Variants in PCDHA2 observed in about 807,000 individuals in gnomAD.
The protein encoded by PCDHA2 is protocadherin alpha 2.
In PCDHA2, 58 loss-of-function variants were observed where a neutral mutation model predicts 66.0. The ratio of observed to expected loss-of-function variants is 0.88; its 90% CI spans 0.71 to 1.09. The LOEUF (loss-of-function observed/expected upper bound fraction) is 1.09, where lower values mean the gene tolerates loss of function less well. Among genes scored for constraint, PCDHA2 ranks in the 50% least tolerant of loss-of-function variants. The probability of loss-of-function intolerance (pLI) is 0.00; values close to 1 mark genes in which losing one functional copy is unlikely to be tolerated. For synonymous variants in PCDHA2, 634 were observed against 554.0 expected (o/e 1.14, Z -2.03); for missense variants, 1,267 against 1,242.3 (o/e 1.02, Z -0.30).
At chr5:140,882,644 A>T in intron 1 of PCDHA2, 1 of 1,614,256 alleles carries the variant, frequency 6.2e-7, no homozygotes. Flanking sequence ...GGTGAGGGAC[A>T]TTAACGACAA....
chr5:140,862,359 C>A lies in PCDHA2; in HGVS notation c.2388+65007C>A, dbSNP rs1364549064. ...CCTAACTTCAGTGCCAAGGGACAGA[C>A]GACCCGCACCCTGACTCCTCACGTC... On this transcript the variant is annotated intron_variant, in intron 1 of 3. Coordinates refer to ENST00000526136, the MANE Select transcript of PCDHA2 (RefSeq NM_018905.3). 17 of 337,738 alleles carry A rather than the reference C, an allele frequency of 5.0e-5. No individual in the cohort carries two copies. In the East Asian group the frequency reaches 1.2e-3, roughly 24 times the overall value. The allele number at this position is 337,738 out of a possible 1,614,324, so 20.9% of individuals were successfully genotyped here.
At chr5:140,886,253 T>G (rs2060912572) in intron 1 of PCDHA2, among the ~76,000 whole-genome samples, 1 of 152,034 alleles carries the variant, frequency 6.6e-6, no homozygotes, top group African/African-American at 2.4e-5. Context: ...TAAAAGTATC[T>G]CTATTTATAG....
chr5:140,908,626 T>A (rs1162805222), intron 1 of PCDHA2, among the ~76,000 whole-genome samples: 3 of 152,020 alleles, frequency 2.0e-5, no homozygotes, highest in African/African-American at 4.8e-5. Context: ...ATCCTTGAGG[T>A]CTCCACTGTG....
intron 1 of PCDHA2, among the ~76,000 whole-genome samples, chr5:140,879,121 G>C (rs148259888): frequency 6.6e-6 from 1 of 152,330 alleles, no homozygotes; most frequent in Non-Finnish European, 1.5e-5. Context: ...TGAAGGATTA[G>C]AGCAGGGGAG....
At chr5:140,982,807 G>A (rs2097006971) in intron 3 of PCDHA2, among the ~76,000 whole-genome samples, 2 of 152,048 alleles carry the variant, frequency 1.3e-5, no homozygotes, top group South Asian at 4.1e-4. Flanking sequence ...GTGTGTGTGT[G>A]TGTATGAAGT....
intron 1 of PCDHA2, chr5:140,865,312 G>A (rs949727799): frequency 1.1e-4 from 17 of 152,148 alleles, no homozygotes; most frequent in African/African-American, 4.1e-4. Context: ...TTACAAATGA[G>A]ATGGCCTTTA....
At chr5:140,842,323 C>T (rs2150334082) in intron 1 of PCDHA2, 26 of 1,607,134 alleles carry the variant, frequency 1.6e-5, no homozygotes, top group Non-Finnish European at 2.2e-5. Flanking sequence ...CGGGTCATTG[C>T]ACCGTTTTAG....
intron 1 of PCDHA2, among the ~76,000 whole-genome samples, chr5:140,962,132 C>A (rs1018234897): frequency 3.3e-5 from 5 of 152,104 alleles, no homozygotes; most frequent in Admixed American, 3.3e-4. Flanking sequence ...GCCTCGGCCT[C>A]CCAAAGTGCT....
At chr5:140,836,640 C>T (rs1554136168) in intron 1 of PCDHA2, 21 of 1,613,350 alleles carry the variant, frequency 1.3e-5, no homozygotes, top group Non-Finnish European at 1.6e-5. Context: ...ATTCTCCCAG[C>T]AGAGGCGGCA....
intron 1 of PCDHA2, chr5:140,807,290 G>T (rs1763880009): frequency 1.2e-6 from 2 of 1,614,210 alleles, no homozygotes. Flanking sequence ...CCACTACTCG[G>T]TCTCCGAGGA....
chr5:140,983,221 A>G (rs1178098444), intron 3 of PCDHA2, among the ~76,000 whole-genome samples: 1 of 152,196 alleles, frequency 6.6e-6, no homozygotes, highest in Non-Finnish European at 1.5e-5. Context: ...TCCTAATCCA[A>G]ACTTTCAGGA....
At chr5:140,870,914 C>A (rs369740429) in intron 1 of PCDHA2, 10 of 1,613,828 alleles carry the variant, frequency 6.2e-6, no homozygotes, top group African/African-American at 1.3e-5. Context: ...GGCTACAACG[C>A]GTGGCTTTCA....
chr5:140,970,687 CT>C (rs1464659851), intron 1 of PCDHA2, among the ~76,000 whole-genome samples: 1 of 152,078 alleles, frequency 6.6e-6, no homozygotes, highest in Non-Finnish European at 1.5e-5. Flanking sequence ...GTAGAAAGGG[CT>C]TTTAGAGCTA....
At chr5:140,829,760 G>A (rs2150174077) in intron 1 of PCDHA2, 1 of 1,613,780 alleles carries the variant, frequency 6.2e-7, no homozygotes, top group Admixed American at 1.7e-5. Flanking sequence ...GTTCGTGCTG[G>A]ACGAGAACGA....
chr5:140,830,452 GA>G (rs2150186813), intron 1 of PCDHA2: 1 of 1,597,194 alleles, frequency 6.3e-7, no homozygotes, highest in Non-Finnish European at 8.5e-7. Flanking sequence ...GTAAGGCGGA[GA>G]ATCAGGATTT....
At chr5:140,912,648 A>G (rs1161381718) in intron 1 of PCDHA2, among the ~76,000 whole-genome samples, 1 of 152,164 alleles carries the variant, frequency 6.6e-6, no homozygotes, top group African/African-American at 2.4e-5. Flanking sequence ...TATGTTGAAT[A>G]GAAGTGGTGA....
chr5:140,805,263 A>G, intron 1 of PCDHA2: 2 of 1,291,908 alleles, frequency 1.5e-6, no homozygotes, highest in South Asian at 2.5e-5. Context: ...TACCTGGTAA[A>G]TGAAAATATT....
At chr5:140,828,970 T>C in intron 1 of PCDHA2, 1 of 1,614,206 alleles carries the variant, frequency 6.2e-7, no homozygotes, top group Non-Finnish European at 8.5e-7. Flanking sequence ...TTGACCACTT[T>C]AGCATAGATC....
chr5:140,831,011 C>T (rs1473200550), intron 1 of PCDHA2: 6 of 152,166 alleles, frequency 3.9e-5, no homozygotes, highest in Non-Finnish European at 5.9e-5. Flanking sequence ...CTGTGGTTCC[C>T]TTTTCAGACT....
Sources: gnomAD v4.1 joint callset for allele counts (sites outside exome capture counted in the v4.1 genomes callset) on GRCh38, gnomAD v4.1.1 for gene constraint, MANE v1.5 for transcripts, NCBI Gene and HGNC (gene_info 2026-07-23, HGNC 2026-07-21) for gene names.